SORCS2: variants seen among roughly 807,000 people sequenced by gnomAD.
The protein encoded by SORCS2 is sortilin related VPS10 domain containing receptor 2, also known as VPS10 domain-containing receptor SorCS2.
SORCS2 carries 100 observed loss-of-function variants against 141.6 expected under a neutral mutation model. That is an observed-to-expected ratio of 0.71 (90% CI 0.60 to 0.83). The LOEUF (loss-of-function observed/expected upper bound fraction) is 0.83. Among genes scored for constraint, SORCS2 ranks in the 40% least tolerant of loss-of-function variants. The pLI is 0.00. For missense variants in SORCS2, 1,646 were observed against 1,560.2 expected (o/e 1.05, Z -0.93); for synonymous variants, 789 against 676.9 (o/e 1.17, Z -2.57).
rs952975889 is a variant in SORCS2, at chr4:7,664,618, C to T, written c.1071+147C>T. The T allele has an allele frequency of 4.7e-6, 3 of 634,556 alleles. No individual in the cohort carries two copies. The African/African-American group carries it at 5.5e-5, about 12-fold the overall frequency. 39.3% of individuals were successfully genotyped at this position (634,556 alleles called of 1,614,324 possible). A position where few individuals can be genotyped will look rare whatever the true frequency, so the allele number is the denominator to read the frequency against. The stretch of plus-strand genomic sequence containing the variant: ...CTACTTCGCAGGTCACGGTTTCTGA[C>T]CGTGGCTGTGGCTGCAGCCATCCAC... On this transcript the variant is annotated intron_variant, in intron 7 of 26. Coordinates refer to ENST00000507866, the MANE Select transcript of SORCS2 (RefSeq NM_020777.3). This position sits in a 1 kb window ranked among gnomAD's most constrained non-coding sequence, Gnocchi z 4.7.
chr4:7,536,521 A>G (rs1330774200), intron 3 of SORCS2, among the ~76,000 whole-genome samples: 1 of 152,190 alleles, frequency 6.6e-6, no homozygotes, highest in East Asian at 1.9e-4. Flanking sequence ...GTCTTCAGAC[A>G]CCTGCATGGT....
intron 2 of SORCS2, among the ~76,000 whole-genome samples, chr4:7,461,594 C>T (rs1309354490): frequency 6.6e-6 from 1 of 152,198 alleles, no homozygotes; most frequent in Non-Finnish European, 1.5e-5. Context: ...AATGAAGTGG[C>T]ACTGTAGCAT....
intron 11 of SORCS2, among the ~76,000 whole-genome samples, chr4:7,691,546 C>G (rs1196538152): frequency 6.6e-6 from 1 of 152,142 alleles, no homozygotes; most frequent in Non-Finnish European, 1.5e-5. Flanking sequence ...CGGAGTTCCT[C>G]TGCATGCTCT....
At chr4:7,219,804 T>G (rs986430789) in intron 1 of SORCS2, among the ~76,000 whole-genome samples, 1 of 138,106 alleles carries the variant, frequency 7.2e-6, no homozygotes, top group Non-Finnish European at 1.5e-5. Context: ...GCTGGGAATT[T>G]GGAGGGCCTG....
intron 1 of SORCS2, among the ~76,000 whole-genome samples, chr4:7,364,033 T>C (rs1251563473): frequency 1.4e-5 from 2 of 145,800 alleles, no homozygotes; most frequent in Non-Finnish European, 3.0e-5. Context: ...TGTATCACCA[T>C]TACCATCACC....
At chr4:7,575,337 TATC>T (rs1287749041) in intron 3 of SORCS2, among the ~76,000 whole-genome samples, 1 of 152,250 alleles carries the variant, frequency 6.6e-6, no homozygotes, top group Admixed American at 6.5e-5. Context: ...TCCAAAATAT[TATC>T]ATGTCAACAA....
intron 3 of SORCS2, among the ~76,000 whole-genome samples, chr4:7,553,065 T>C (rs1323298489): frequency 1.3e-5 from 2 of 152,128 alleles, no homozygotes; most frequent in African/African-American, 4.8e-5. Context: ...AAATGGACAC[T>C]GCAGGAAAGA....
chr4:7,564,722 C>T (rs1203186018), intron 3 of SORCS2, among the ~76,000 whole-genome samples: 1 of 152,202 alleles, frequency 6.6e-6, no homozygotes, highest in Non-Finnish European at 1.5e-5. Context: ...TGCTTGTTTC[C>T]ACGGCAGCCA....
intron 3 of SORCS2, among the ~76,000 whole-genome samples, chr4:7,535,697 G>A (rs1467258571): frequency 1.3e-5 from 2 of 152,222 alleles, no homozygotes; most frequent in African/African-American, 4.8e-5. Context: ...GAGACTTTAG[G>A]TTAGGAACTG....
At chr4:7,484,328 TTC>T (rs1730841719) in intron 2 of SORCS2, among the ~76,000 whole-genome samples, 1 of 152,224 alleles carries the variant, frequency 6.6e-6, no homozygotes, top group African/African-American at 2.4e-5. Context: ...CTTTTACATT[TTC>T]ACATTTCTTC....
intron 22 of SORCS2, among the ~76,000 whole-genome samples, 163 bp downstream of exon 22, chr4:7,728,625 T>TG (rs1415749788): frequency 6.6e-6 from 1 of 152,044 alleles, no homozygotes; most frequent in African/African-American, 2.4e-5. Context: ...AAGCTATGGA[T>TG]GGGGGGCAGG....
intron 2 of SORCS2, among the ~76,000 whole-genome samples, chr4:7,429,545 C>A (rs1451492224): frequency 6.6e-6 from 1 of 152,214 alleles, no homozygotes; most frequent in African/African-American, 2.4e-5. Context: ...TTTTCAGAGG[C>A]TAGCTGGAAG....
At chr4:7,651,495 G>A (rs886367) in intron 4 of SORCS2, among the ~76,000 whole-genome samples, 17,571 of 152,204 alleles carry the variant, frequency 0.12, 2,699 homozygotes, top group African/African-American at 0.35. Flanking sequence ...ATCTCCTCTG[G>A]AGTGGACAGA....
chr4:7,665,093 G>A (rs1722421335), intron 7 of SORCS2, among the ~76,000 whole-genome samples: 1 of 152,184 alleles, frequency 6.6e-6, no homozygotes, highest in South Asian at 2.1e-4. Context: ...ACTGGGTTCT[G>A]TTCTGCCCTC....
In SORCS2 at chr4:7,714,166, C is replaced by T. The variant is rs1308661533; in HGVS notation, c.1990-74C>T. 7 of 1,525,576 alleles carry T rather than the reference C, an allele frequency of 4.6e-6. No individual in the cohort carries two copies. In the South Asian group the frequency reaches 5.0e-5, roughly 11 times the overall value. 94.5% of individuals were successfully genotyped at this position (1,525,576 alleles called of 1,614,324 possible). The stretch of plus-strand genomic sequence containing the variant: ...ATCAGCCATCTTCAGGCTCTGGCAG[C>T]CTCAGCGGCACAAGGCCTTGTAGAG... On this transcript the variant is annotated intron_variant, in intron 15 of 26. Transcript: ENST00000507866.
intron 11 of SORCS2, among the ~76,000 whole-genome samples, chr4:7,692,884 G>T (rs892171159): frequency 1.3e-5 from 2 of 152,166 alleles, no homozygotes; most frequent in African/African-American, 4.8e-5. Flanking sequence ...AGTCTCTGGG[G>T]CCCATCCTCA....
In SORCS2 at chr4:7,287,384, C is replaced by G. The variant is rs922367872; in HGVS notation, c.480+94258C>G. 2.5e-4 allele frequency among the ~76,000 whole-genome samples: 38 copies of G among 152,238 alleles called. 1 individual carries two copies. The highest frequency in any genetic ancestry group is 1.5e-5 in the Non-Finnish European group (1 of 68,034). ...CCCAACGGGTTCTCAGTCTGGCAGT[C>G]TTTTCCAGAAAGGTTCGAGCCAGGA... On this transcript the variant is annotated intron_variant, in intron 1 of 26. Transcript: ENST00000507866.
At chr4:7,589,954 G>T (rs1301243271) in intron 3 of SORCS2, among the ~76,000 whole-genome samples, 2 of 152,232 alleles carry the variant, frequency 1.3e-5, no homozygotes, top group African/African-American at 4.8e-5. Flanking sequence ...CCATGTGACT[G>T]CCTGGGGCAC....
intron 3 of SORCS2, among the ~76,000 whole-genome samples, chr4:7,539,939 A>G (rs1308023742): frequency 7.4e-6 from 1 of 134,940 alleles, no homozygotes; most frequent in African/African-American, 2.9e-5. Context: ...CCTGCTGTGA[A>G]GGTCTCACCC....
Sources: allele counts gnomAD v4.1 joint callset (sites outside exome capture counted in the v4.1 genomes callset), GRCh38; gene constraint gnomAD v4.1.1; non-coding constraint Gnocchi (gnomAD v3.1); transcripts MANE v1.5; gene names NCBI Gene and HGNC (gene_info 2026-07-23, HGNC 2026-07-21).